The following ATP6V1C2 variants were observed in gnomAD, a reference collection of about 807,000 sequenced individuals.
ATP6V1C2 encodes the protein V-type proton ATPase subunit C 2.
A neutral mutation model predicts 56.8 loss-of-function variants in ATP6V1C2; 45 were observed. The ratio of observed to expected loss-of-function variants is 0.79; its 90% CI spans 0.62 to 1.02. The LOEUF is 1.02. Ranked by LOEUF, ATP6V1C2 falls within the 50% of genes least tolerant of loss-of-function variation. ATP6V1C2 has a pLI of 0.00. For missense variants in ATP6V1C2, 463 were observed against 519.7 expected, an observed-to-expected ratio of 0.89 and a Z score of 1.06; for synonymous variants, 220 against 201.3, an observed-to-expected ratio of 1.09 and a Z score of -0.79.
chr2:10,765,685 G>T (rs1191607799), intron 5 of ATP6V1C2, among the ~76,000 whole-genome samples: 2 of 152,270 alleles, frequency 1.3e-5, no homozygotes, highest in Non-Finnish European at 2.9e-5. Flanking sequence ...TGTGCCCAGA[G>T]CACCTGTGCC....
intron 4 of ATP6V1C2, among the ~76,000 whole-genome samples, chr2:10,758,099 A>G (rs1419655401): frequency 2.6e-5 from 4 of 152,204 alleles, no homozygotes; most frequent in Admixed American, 6.5e-5. Flanking sequence ...TGCTGATGCT[A>G]AGAAAAAATT....
At chr2:10,778,287 T>C (rs1665127173) in intron 11 of ATP6V1C2, among the ~76,000 whole-genome samples, 1 of 152,200 alleles carries the variant, frequency 6.6e-6, no homozygotes, top group Admixed American at 6.5e-5. Context: ...CCTGGCTGCC[T>C]GCTGAAAGCC....
intron 4 of ATP6V1C2, among the ~76,000 whole-genome samples, chr2:10,758,820 C>T (rs1380004176): frequency 6.6e-6 from 1 of 152,098 alleles, no homozygotes; most frequent in Non-Finnish European, 1.5e-5. Flanking sequence ...AGGCGTGTGC[C>T]ACCATACCTG....
chr2:10,749,135 A>C (rs1303971515), intron 3 of ATP6V1C2, among the ~76,000 whole-genome samples: 1 of 142,038 alleles, frequency 7.0e-6, no homozygotes, highest in Non-Finnish European at 1.5e-5. Context: ...CGTCTCAAAA[A>C]AAAAAAAAAA....
chr2:10,722,301 C>T (rs1558379839), intron 1 of ATP6V1C2, among the ~76,000 whole-genome samples: 3 of 150,330 alleles, frequency 2.0e-5, no homozygotes, highest in Admixed American at 1.3e-4. Flanking sequence ...CCCCCTACTA[C>T]TTTTTTTTTT....
chr2:10,767,041 T>A (rs59444730), intron 5 of ATP6V1C2, among the ~76,000 whole-genome samples: 4,111 of 152,084 alleles, frequency 0.027, 190 homozygotes, highest in African/African-American at 0.094. Context: ...AAAAAAATTA[T>A]TATAAAAAGA....
At chr2:10,748,218 GTTT>G (rs1438659574) in intron 3 of ATP6V1C2, among the ~76,000 whole-genome samples, 1 of 152,080 alleles carries the variant, frequency 6.6e-6, no homozygotes, top group Non-Finnish European at 1.5e-5. Flanking sequence ...ATGGCTCTGA[GTTT>G]TTTAAGTGTT....
chr2:10,737,522 A>G (rs1426518157), intron 3 of ATP6V1C2, among the ~76,000 whole-genome samples: 2 of 152,020 alleles, frequency 1.3e-5, no homozygotes, highest in Non-Finnish European at 2.9e-5. Flanking sequence ...CTATTTTTCT[A>G]AGTGTTTCAT....
chr2:10,760,712 T>C (rs573982188), intron 4 of ATP6V1C2, among the ~76,000 whole-genome samples: 42 of 152,196 alleles, frequency 2.8e-4, no homozygotes, highest in Admixed American at 2.4e-3. Flanking sequence ...ATGCACCCCA[T>C]GGTCTTTGGA....
At chr2:10,746,654 C>T (rs1662932102) in intron 3 of ATP6V1C2, among the ~76,000 whole-genome samples, 1 of 152,170 alleles carries the variant, frequency 6.6e-6, no homozygotes, top group African/African-American at 2.4e-5. Context: ...TCATGATCCA[C>T]CCGCCTCGGC....
At chr2:10,745,566 C>G (rs946967928) in intron 3 of ATP6V1C2, among the ~76,000 whole-genome samples, 1 of 152,078 alleles carries the variant, frequency 6.6e-6, no homozygotes, top group African/African-American at 2.4e-5. Context: ...GTCTCAAATT[C>G]CTGATCTCAA....
chr2:10,744,835 A>AT (rs1388853801), intron 3 of ATP6V1C2, among the ~76,000 whole-genome samples: 2 of 149,094 alleles, frequency 1.3e-5, no homozygotes, highest in Non-Finnish European at 3.0e-5. Context: ...CGCCCAGCTG[A>AT]TTTTTTTGTA....
chr2:10,771,983 G>A, intron 7 of ATP6V1C2, 46 bp downstream of exon 7: 1 of 1,534,382 alleles, frequency 6.5e-7, no homozygotes. Context: ...GCCCAGTGGA[G>A]AGGAAGGTGG....
chr2:10,772,780 C>A (rs1004537634), intron 8 of ATP6V1C2, among the ~76,000 whole-genome samples, 170 bp downstream of exon 8: 17 of 152,230 alleles, frequency 1.1e-4, no homozygotes, highest in African/African-American at 3.9e-4. Context: ...CACCTTGTCA[C>A]ATGCCAGAGT....
In ATP6V1C2 at chr2:10,783,593, T is replaced by C. The variant is rs964115413; in HGVS notation, c.*330T>C. 3.8e-5 allele frequency: 8 copies of C among 209,100 alleles called. No individual in the cohort carries two copies. The highest frequency in any genetic ancestry group is 6.7e-5 in the Non-Finnish European group (7 of 103,948). The allele number at this position is 209,100 out of a possible 1,614,324, so 13.0% of individuals were successfully genotyped here. Reference sequence around the variant, plus strand: ...ACAACATAGAAAGCCTTGAACTGTATAACCAGCTAGATTCCTTAATAATTA... The same window carrying C: ...ACAACATAGAAAGCCTTGAACTGTACAACCAGCTAGATTCCTTAATAATTA... On this transcript the variant is annotated 3_prime_UTR_variant, in exon 14 of 14. Transcript: ENST00000272238.
At chr2:10,754,114 C>G (rs1663380307) in intron 4 of ATP6V1C2, 48 bp downstream of exon 4, 1 of 1,505,592 alleles carries the variant, frequency 6.6e-7, no homozygotes, top group African/African-American at 1.4e-5. Flanking sequence ...CCCGCTCCCT[C>G]TAGACCAGAG....
intron 3 of ATP6V1C2, among the ~76,000 whole-genome samples, chr2:10,736,466 G>GCATCCCC (rs1227940864): frequency 6.6e-6 from 1 of 152,038 alleles, no homozygotes; most frequent in Non-Finnish European, 1.5e-5. Context: ...TTGTATCTAT[G>GCATCCCC]CATCCCCCAT....
chr2:10,779,462 T>C (rs1665213756), intron 12 of ATP6V1C2, among the ~76,000 whole-genome samples: 2 of 147,848 alleles, frequency 1.4e-5, no homozygotes, highest in Admixed American at 1.4e-4. Context: ...TATATATATA[T>C]ATGCCCTTGT....
chr2:10,751,311 A>G (rs941380975), intron 3 of ATP6V1C2, among the ~76,000 whole-genome samples: 1 of 152,160 alleles, frequency 6.6e-6, no homozygotes, highest in East Asian at 1.9e-4. Context: ...CAGGTTGCCT[A>G]GAGCATATCT....
Sources: allele counts gnomAD v4.1 joint callset (sites outside exome capture counted in the v4.1 genomes callset), GRCh38; gene constraint gnomAD v4.1.1; transcripts MANE v1.5; gene names NCBI Gene and HGNC (gene_info 2026-07-23, HGNC 2026-07-21).